DNER: variants seen among roughly 807,000 people sequenced by gnomAD.
The protein encoded by DNER is delta and Notch-like epidermal growth factor-related receptor.
In DNER, 33 loss-of-function variants were observed where a neutral mutation model predicts 78.2. That is an observed-to-expected ratio of 0.42 (90% confidence interval 0.32 to 0.56). The LOEUF (loss-of-function observed/expected upper bound fraction) is 0.56. DNER is among the 20% of genes least tolerant of loss of function. The pLI is 0.11. For missense variants in DNER, 918 were observed against 975.3 expected, an observed-to-expected ratio of 0.94 and a Z score of 0.78; for synonymous variants, 417 against 384.8, an observed-to-expected ratio of 1.08 and a Z score of -0.98.
At chr2:229,547,501 A>G (rs1435353330) in intron 4 of DNER, among the ~76,000 whole-genome samples, 1 of 152,166 alleles carries the variant, frequency 6.6e-6, no homozygotes, top group East Asian at 1.9e-4. Context: ...GCTTACCTGC[A>G]TTACCCAAGT....
Position 229,361,877 on chromosome 2 carries a change from A to T in DNER, c.2103-3226T>A, listed in dbSNP as rs1425128784. Among the ~76,000 whole-genome samples the T allele has an allele frequency of 6.8e-5, 10 of 146,590 alleles. No homozygotes were observed. The East Asian group carries it at 2.1e-3, about 31-fold the overall frequency. On this transcript the variant is annotated intron_variant, in intron 12 of 12. Transcript: ENST00000341772. ...AAAAAAAATTCCTACAAGTTAAAAC[A>T]TTAATAAGAAAATGTTTCTTCTGTG... is the stretch of plus-strand genomic sequence containing the variant.
chr2:229,557,187 G>A (rs1696868958), intron 4 of DNER, among the ~76,000 whole-genome samples: 1 of 152,188 alleles, frequency 6.6e-6, no homozygotes, highest in Non-Finnish European at 1.5e-5. Flanking sequence ...ATAAAAGAGT[G>A]ATCATTTGAG....
At chr2:229,526,262 C>T (rs886895922) in intron 5 of DNER, among the ~76,000 whole-genome samples, 2 of 152,218 alleles carry the variant, frequency 1.3e-5, no homozygotes, top group African/African-American at 4.8e-5. Context: ...AGGAAATCTG[C>T]ATACGACTTT....
intron 1 of DNER, among the ~76,000 whole-genome samples, chr2:229,638,862 A>G (rs1698569104): frequency 6.6e-6 from 1 of 152,240 alleles, no homozygotes; most frequent in Admixed American, 6.5e-5. Context: ...CAGATTAAGA[A>G]AATAAATTCC....
At chr2:229,548,208 C>G (rs969399311) in intron 4 of DNER, among the ~76,000 whole-genome samples, 2 of 152,088 alleles carry the variant, frequency 1.3e-5, no homozygotes, top group Non-Finnish European at 2.9e-5. Context: ...GTTCCATTAT[C>G]AGGAAAAAGA....
At chr2:229,597,102 T>A (rs1408577598) in intron 1 of DNER, among the ~76,000 whole-genome samples, 1 of 62,304 alleles carries the variant, frequency 1.6e-5, no homozygotes, top group Non-Finnish European at 3.6e-5. Context: ...CACACACACA[T>A]GCACACACAC....
At chr2:229,613,300 T>C (rs1322107455) in intron 1 of DNER, among the ~76,000 whole-genome samples, 2 of 152,192 alleles carry the variant, frequency 1.3e-5, no homozygotes, top group Admixed American at 1.3e-4. Context: ...TATGAACCAT[T>C]GTAAAAAGCA....
chr2:229,466,674 T>C (rs1293127753), intron 7 of DNER, among the ~76,000 whole-genome samples: 3 of 152,168 alleles, frequency 2.0e-5, no homozygotes, highest in Admixed American at 1.3e-4. Context: ...GCAAGGTAGG[T>C]AATCAAGAAA....
chr2:229,514,599 C>T (rs1420966667), intron 5 of DNER, among the ~76,000 whole-genome samples: 1 of 152,208 alleles, frequency 6.6e-6, no homozygotes, highest in Non-Finnish European at 1.5e-5. Flanking sequence ...AAGGAACATC[C>T]ACTTAAGTCA....
At chr2:229,673,390 C>T (rs1234138465) in intron 1 of DNER, among the ~76,000 whole-genome samples, 3 of 152,188 alleles carry the variant, frequency 2.0e-5, no homozygotes, top group Non-Finnish European at 4.4e-5. Context: ...GTGAAACCAA[C>T]GTGGCCCCTT....
chr2:229,422,722 T>C (rs1029986114), intron 8 of DNER, among the ~76,000 whole-genome samples: 1 of 151,942 alleles, frequency 6.6e-6, no homozygotes, highest in African/African-American at 2.4e-5. Context: ...ACTTTGGGAA[T>C]TAGTTGCCTG....
intron 4 of DNER, 140 bp from the exon 5 acceptor site, chr2:229,547,232 T>C (rs1574896325): frequency 1.7e-6 from 2 of 1,210,266 alleles, no homozygotes; most frequent in East Asian, 5.1e-5. Flanking sequence ...CAAAATGCAG[T>C]GAGGCAAGGG....
intron 8 of DNER, among the ~76,000 whole-genome samples, chr2:229,421,124 T>C (rs1001405063): frequency 1.3e-5 from 2 of 152,212 alleles, no homozygotes; most frequent in Non-Finnish European, 2.9e-5. Context: ...TGCTACAATA[T>C]GGATGAACCT....
At chr2:229,618,338 C>A (rs965789181) in intron 1 of DNER, among the ~76,000 whole-genome samples, 3 of 152,130 alleles carry the variant, frequency 2.0e-5, no homozygotes, top group Admixed American at 2.0e-4. Context: ...CAACACCATT[C>A]GTTTGAATAA....
At chr2:229,544,874 C>G (rs1696589678) in intron 5 of DNER, among the ~76,000 whole-genome samples, 1 of 152,196 alleles carries the variant, frequency 6.6e-6, no homozygotes, top group African/African-American at 2.4e-5. Context: ...TTACAGCTAA[C>G]AGGAAAGTCA....
intron 5 of DNER, among the ~76,000 whole-genome samples, chr2:229,541,814 C>T (rs1696519350): frequency 6.7e-6 from 1 of 150,274 alleles, no homozygotes; most frequent in Non-Finnish European, 1.5e-5. Context: ...TCCACAATTG[C>T]ATGAGCCAGT....
At chr2:229,360,082 A>G (rs915469834) in intron 12 of DNER, among the ~76,000 whole-genome samples, 3 of 152,230 alleles carry the variant, frequency 2.0e-5, no homozygotes, top group African/African-American at 7.2e-5. Context: ...AGGCCTGCAT[A>G]ATCTAAGGAT....
chr2:229,488,385 CAT>C (rs1377940766), intron 6 of DNER, among the ~76,000 whole-genome samples: 1 of 152,072 alleles, frequency 6.6e-6, no homozygotes, highest in African/African-American at 2.4e-5. Flanking sequence ...TATGTGTGTA[CAT>C]GTTTTGTGTT....
intron 1 of DNER, among the ~76,000 whole-genome samples, chr2:229,688,243 A>G (rs558505195): frequency 1.3e-5 from 2 of 152,324 alleles, no homozygotes; most frequent in African/African-American, 2.4e-5. Flanking sequence ...CAAGTAACAC[A>G]TGGATGTCTA....
Sources: gnomAD v4.1 joint callset for allele counts (sites outside exome capture counted in the v4.1 genomes callset) on GRCh38, gnomAD v4.1.1 for gene constraint, MANE v1.5 for transcripts, NCBI Gene and HGNC (gene_info 2026-07-23, HGNC 2026-07-21) for gene names.